The following WDR7 variants were observed in gnomAD, a reference collection of about 807,000 sequenced individuals.
WDR7 encodes the protein WD repeat-containing protein 7.
WDR7 carries 46 observed loss-of-function variants against 169.4 expected under a neutral mutation model. That is an observed-to-expected ratio of 0.27 (90% CI 0.21 to 0.35). WDR7 has a LOEUF of 0.35. Among genes scored for constraint, WDR7 ranks in the 10% least tolerant of loss-of-function variants. The probability of loss-of-function intolerance (pLI) is 1.00; values close to 1 mark genes in which losing one functional copy is unlikely to be tolerated. For synonymous variants in WDR7, 612 were observed against 666.8 expected (o/e 0.92, Z 1.27); for missense variants, 1,534 against 1,859.3 (o/e 0.83, Z 3.22).
chr18:56,882,241 G>T (rs1255304524), intron 21 of WDR7, among the ~76,000 whole-genome samples: 2 of 152,170 alleles, frequency 1.3e-5, no homozygotes, highest in Non-Finnish European at 2.9e-5. Context: ...GACAGCCCAG[G>T]ACTTAACATA....
At chr18:56,804,368 A>ATTTG (rs2044730469) in intron 19 of WDR7, among the ~76,000 whole-genome samples, 1 of 152,238 alleles carries the variant, frequency 6.6e-6, no homozygotes, top group Non-Finnish European at 1.5e-5. Flanking sequence ...AAAAGATCAA[A>ATTTG]ATCCTGAAAA....
At chr18:56,946,776 C>G (rs570275919) in intron 25 of WDR7, among the ~76,000 whole-genome samples, 4 of 152,180 alleles carry the variant, frequency 2.6e-5, no homozygotes, top group African/African-American at 9.6e-5. Context: ...AAGTAAAAAT[C>G]ATTGTGAGAA....
At chr18:56,785,744 C>T (rs1019544745) in intron 19 of WDR7, among the ~76,000 whole-genome samples, 4 of 151,696 alleles carry the variant, frequency 2.6e-5, no homozygotes, top group Admixed American at 2.6e-4. Context: ...GTACATTATG[C>T]AATAAAAAGC....
intron 26 of WDR7, among the ~76,000 whole-genome samples, chr18:56,973,538 A>G (rs1245850866): frequency 2.0e-5 from 3 of 152,126 alleles, no homozygotes; most frequent in South Asian, 4.1e-4. Context: ...AAATTAGGAA[A>G]TACTAGATAG....
chr18:56,803,392 TTGTG>T (rs1384801069), intron 19 of WDR7, among the ~76,000 whole-genome samples: 1 of 152,132 alleles, frequency 6.6e-6, no homozygotes, highest in African/African-American at 2.4e-5. Flanking sequence ...ATTTGTGTGT[TTGTG>T]TGTGTATGTG....
At chr18:56,940,168 A>G (rs2047015193) in intron 25 of WDR7, among the ~76,000 whole-genome samples, 1 of 152,114 alleles carries the variant, frequency 6.6e-6, no homozygotes, top group African/African-American at 2.4e-5. Context: ...CAGAACAACC[A>G]GTTATTCATA....
At chr18:57,015,194 C>T (rs2048189932) in intron 26 of WDR7, among the ~76,000 whole-genome samples, 1 of 152,220 alleles carries the variant, frequency 6.6e-6, no homozygotes, top group Admixed American at 6.5e-5. Context: ...GGTGACCTTT[C>T]AGTGTTCTTG....
At chr18:56,713,821 C>T (rs1358190341) in intron 12 of WDR7, among the ~76,000 whole-genome samples, 1 of 152,046 alleles carries the variant, frequency 6.6e-6, no homozygotes, top group African/African-American at 2.4e-5. Flanking sequence ...GGGTGTAAAT[C>T]AGGAAGAAAT....
chr18:56,886,488 C>A (rs964623274), intron 21 of WDR7, among the ~76,000 whole-genome samples: 16 of 152,198 alleles, frequency 1.1e-4, no homozygotes, highest in Non-Finnish European at 1.6e-4. Flanking sequence ...AGGTCTAAAT[C>A]TTGAAACAAA....
chr18:56,937,138 G>T (rs547152603), intron 23 of WDR7, among the ~76,000 whole-genome samples: 2 of 152,024 alleles, frequency 1.3e-5, no homozygotes, highest in Non-Finnish European at 2.9e-5. Flanking sequence ...TTTTAAAAAT[G>T]AACTGTTAGA....
At chr18:56,999,466 C>A (rs1198286333) in intron 26 of WDR7, among the ~76,000 whole-genome samples, 1 of 152,058 alleles carries the variant, frequency 6.6e-6, no homozygotes, top group African/African-American at 2.4e-5. Context: ...CTCTTTTAAA[C>A]CACTTATTCT....
At chr18:56,928,783 TA>T (rs1449446190) in intron 22 of WDR7, among the ~76,000 whole-genome samples, 1 of 152,182 alleles carries the variant, frequency 6.6e-6, no homozygotes, top group Non-Finnish European at 1.5e-5. Context: ...ATGAATCTGA[TA>T]GAGAGATGCT....
At chr18:57,001,996 C>G (rs1214536769) in intron 26 of WDR7, among the ~76,000 whole-genome samples, 1 of 152,114 alleles carries the variant, frequency 6.6e-6, no homozygotes, top group South Asian at 2.1e-4. Context: ...GCAAAAATAC[C>G]CATGATTAGA....
chr18:56,788,193 C>CT (rs1437675713), intron 19 of WDR7, among the ~76,000 whole-genome samples: 1 of 152,160 alleles, frequency 6.6e-6, no homozygotes, highest in Non-Finnish European at 1.5e-5. Context: ...CCTCTATTCA[C>CT]TAGCCAGAGT....
rs1166593006 is a variant in WDR7 at position 56,672,555 on chromosome 18, G to A, written c.40G>A (p.Gly14Ser). 5 of 1,609,956 alleles carry A rather than the reference G, an allele frequency of 3.1e-6. No homozygotes were observed. The African/African-American group carries it at 6.7e-5, about 22-fold the overall frequency. ...NSLVLPIVLW[G>S]RKAPTHCISA... is the part of the protein sequence containing the mutation. ...CCTTGTTCTACCCATTGTTCTTTGGGGTCGAAAAGCGCCCACACATTGCAT... is the reference window on the plus strand; with the variant it reads ...CCTTGTTCTACCCATTGTTCTTTGGAGTCGAAAAGCGCCCACACATTGCAT... The change falls in exon 2 of 28, where the codon GGT becomes AGT. Residue 14 changes from glycine (G) to serine (S), a missense_variant. By Grantham distance (56) the Gly-to-Ser change is moderately conservative. Transcript: ENST00000254442.
chr18:56,701,444 A>G (rs1167317742), intron 12 of WDR7, among the ~76,000 whole-genome samples: 1 of 152,230 alleles, frequency 6.6e-6, no homozygotes, highest in Non-Finnish European at 1.5e-5. Flanking sequence ...TATAAAAATT[A>G]TATGACAGAT....
intron 20 of WDR7, among the ~76,000 whole-genome samples, chr18:56,820,940 A>G (rs1035954599): frequency 6.6e-6 from 1 of 152,224 alleles, no homozygotes; most frequent in Non-Finnish European, 1.5e-5. Context: ...CTTTCATTCA[A>G]AAAAGTCTAT....
At chr18:56,794,304 A>ATTTTTTTTTTTTTCT (rs2044544561) in intron 19 of WDR7, among the ~76,000 whole-genome samples, 1 of 49,466 alleles carries the variant, frequency 2.0e-5, no homozygotes, top group Non-Finnish European at 3.8e-5. Flanking sequence ...GGTAAAGTCT[A>ATTTTTTTTTTTTTCT]TTTTTTTTTT....
intron 12 of WDR7, among the ~76,000 whole-genome samples, chr18:56,712,855 T>C (rs1006352919): frequency 5.3e-5 from 8 of 152,298 alleles, no homozygotes; most frequent in African/African-American, 1.9e-4. Flanking sequence ...GAACTTTTAC[T>C]TACTTATTTT....
Sources: allele counts gnomAD v4.1 joint callset (sites outside exome capture counted in the v4.1 genomes callset), GRCh38; gene constraint gnomAD v4.1.1; transcripts MANE v1.5; gene names NCBI Gene and HGNC (gene_info 2026-07-23, HGNC 2026-07-21).